The following DPYSL5 variants were observed in gnomAD, a reference collection of about 807,000 sequenced individuals.
DPYSL5 encodes the protein dihydropyrimidinase-related protein 5.
A neutral mutation model predicts 58.4 loss-of-function variants in DPYSL5; 9 were observed. That is an observed-to-expected ratio of 0.15 (90% CI 0.09 to 0.27). The LOEUF is 0.27. Among genes scored for constraint, DPYSL5 ranks in the 10% least tolerant of loss-of-function variants. The pLI, the probability that DPYSL5 is intolerant of heterozygous loss-of-function variation, is 1.00. For missense variants in DPYSL5, 499 were observed against 770.6 expected, an observed-to-expected ratio of 0.65 and a Z score of 4.17; for synonymous variants, 293 against 301.9, an observed-to-expected ratio of 0.97 and a Z score of 0.31.
chr2:26,910,520 A>G (rs938595727), intron 2 of DPYSL5, among the ~76,000 whole-genome samples: 1 of 151,888 alleles, frequency 6.6e-6, no homozygotes. Context: ...TTTTCAGTGA[A>G]GTGTCTGCTC....
chr2:26,923,622 C>A (rs956683013), intron 2 of DPYSL5, among the ~76,000 whole-genome samples: 4 of 152,194 alleles, frequency 2.6e-5, no homozygotes, highest in African/African-American at 9.7e-5. Context: ...AGAGCCCTCA[C>A]AAAGACTCTC....
chr2:26,931,373 A>G (rs1664984215), intron 5 of DPYSL5, among the ~76,000 whole-genome samples: 1 of 151,394 alleles, frequency 6.6e-6, no homozygotes, highest in Non-Finnish European at 1.5e-5. Flanking sequence ...ACAAGGAGAG[A>G]CATGACCTTG....
At chr2:26,943,283 G>A (rs756818834) in intron 11 of DPYSL5, among the ~76,000 whole-genome samples, 3 of 152,190 alleles carry the variant, frequency 2.0e-5, no homozygotes, top group Admixed American at 6.5e-5. Context: ...CTCTCCCAGA[G>A]GCCAATGAGT....
At chr2:26,932,048 G>GGAAAGAAAGAAAGA (rs1665007772) in intron 6 of DPYSL5, among the ~76,000 whole-genome samples, 1 of 47,620 alleles carries the variant, frequency 2.1e-5, no homozygotes, top group African/African-American at 1.0e-4. Flanking sequence ...AAGAAAGAAA[G>GGAAAGAAAGAAAGA]GAAAGAAAGA....
intron 1 of DPYSL5, among the ~76,000 whole-genome samples, chr2:26,876,602 A>G (rs769028448): frequency 3.3e-5 from 5 of 152,086 alleles, no homozygotes; most frequent in Non-Finnish European, 5.9e-5. Context: ...TGCAGCCTCC[A>G]TCTCCCAGGT....
chr2:26,875,891 A>G (rs990384250), intron 1 of DPYSL5, among the ~76,000 whole-genome samples: 10 of 152,206 alleles, frequency 6.6e-5, no homozygotes, highest in African/African-American at 1.7e-4. Flanking sequence ...TTCCAGATGA[A>G]TTAGACGGGC....
chr2:26,916,557 T>C (rs774511534), intron 2 of DPYSL5, among the ~76,000 whole-genome samples: 4 of 152,202 alleles, frequency 2.6e-5, no homozygotes, highest in Non-Finnish European at 5.9e-5. Flanking sequence ...GTCCCCACAG[T>C]TTGGTCCTAA....
intron 1 of DPYSL5, among the ~76,000 whole-genome samples, chr2:26,856,278 T>C (rs897898909): frequency 2.0e-5 from 3 of 152,166 alleles, no homozygotes; most frequent in African/African-American, 7.2e-5. Flanking sequence ...AGAAACAGAA[T>C]TATCAGTACT....
In DPYSL5 at chr2:26,905,026, G is replaced by A. The variant is rs2148142159; in HGVS notation, c.261+6266G>A. ...TGTTCAAGGCCTCCTGAGACCTCGG[G>A]ACTGAACAATCACCCCTTTCAGCCT... On this transcript the variant is annotated intron_variant, in intron 2 of 12. Transcript: ENST00000288699. The surrounding 1 kb of genome is among the most constrained non-coding windows in gnomAD (Gnocchi z 4.0). 6.6e-6 allele frequency among the ~76,000 whole-genome samples: 1 copy of A among 152,324 alleles called. No homozygotes were observed. The highest frequency in any genetic ancestry group is 1.9e-4 in the East Asian group (1 of 5,180).
rs1316557119 is a variant in DPYSL5, at chr2:26,931,193, G to A, written c.670-447G>A. ...TATGTGTGTGTGTGTGTGTGTGTGT[G>A]TGTGTGTGTGTATATATATATATAT... On this transcript the variant is annotated intron_variant, in intron 5 of 12. Coordinates refer to ENST00000288699, the MANE Select transcript of DPYSL5 (RefSeq NM_020134.4). 4.5e-4 allele frequency among the ~76,000 whole-genome samples: 25 copies of A among 55,744 alleles called. No homozygotes were observed. The South Asian group carries it at 0.017, about 38-fold the overall frequency. The allele number at this position is 55,744 out of a possible 152,430, so 36.6% of individuals were successfully genotyped here.
Position 26,928,704 on chromosome 2 carries a change from T to TATATATATATATACACACAC in DPYSL5, c.669+382_669+383insTATATATATATACACACACA. On this transcript the variant is annotated intron_variant, in intron 5 of 12. Coordinates refer to ENST00000288699, the MANE Select transcript of DPYSL5 (RefSeq NM_020134.4). ...GTGATAGAGTATATATATATATATATACACACACACACATACATATATATA... is the reference window on the plus strand; with the variant it reads ...GTGATAGAGTATATATATATATATATATATATATATATACACACACACACACACACACATACATATATATA... Among the ~76,000 whole-genome samples, 67 of 62,956 alleles carry TATATATATATATACACACAC rather than the reference T, an allele frequency of 1.1e-3. 1 individual carries two copies. The highest frequency in any genetic ancestry group is 1.6e-3 in the African/African-American group (25 of 15,874). 41.3% of individuals were successfully genotyped at this position (62,956 alleles called of 152,430 possible). A position where few individuals can be genotyped will look rare whatever the true frequency, so the allele number is the denominator to read the frequency against.
chr2:26,889,212 T>C (rs935900516), intron 1 of DPYSL5, among the ~76,000 whole-genome samples: 6 of 152,106 alleles, frequency 3.9e-5, no homozygotes, highest in African/African-American at 9.7e-5. Context: ...TGGAATAAAC[T>C]AGGTGACTTG....
chr2:26,886,107 C>A (rs1449365139), intron 1 of DPYSL5, among the ~76,000 whole-genome samples: 1 of 152,190 alleles, frequency 6.6e-6, no homozygotes, highest in Non-Finnish European at 1.5e-5. Flanking sequence ...GCTAGACTTT[C>A]AGTTTCCTGT....
chr2:26,864,839 C>T (rs531763373), intron 1 of DPYSL5, among the ~76,000 whole-genome samples: 93 of 152,208 alleles, frequency 6.1e-4, no homozygotes, highest in Non-Finnish European at 1.0e-3. Flanking sequence ...TAAGCACATC[C>T]GTACTCCCCT....
chr2:26,907,004 C>T (rs952359266), intron 2 of DPYSL5, among the ~76,000 whole-genome samples: 10 of 152,018 alleles, frequency 6.6e-5, no homozygotes, highest in African/African-American at 9.7e-5. Flanking sequence ...TGGCTTCAAG[C>T]GATCCTCCTG....
At position 26,949,205 on chromosome 2, in the gene DPYSL5, ATC is replaced by A. The variant is rs1665569286; in HGVS notation, c.*2212_*2213del. 2 of 152,194 alleles carry A rather than the reference ATC, an allele frequency of 1.3e-5. No homozygotes were observed. The highest frequency in any genetic ancestry group is 1.3e-4 in the Admixed American group (2 of 15,284). The allele number at this position is 152,194 out of a possible 1,614,324, so 9.4% of individuals were successfully genotyped here. On this transcript the variant is annotated 3_prime_UTR_variant, in exon 13 of 13. Coordinates refer to ENST00000288699, the MANE Select transcript of DPYSL5 (RefSeq NM_020134.4). ...CACAGGAAGATAGATTTTTTTTCTC[ATC>A]TTTCTTATAAACAACCTCATGCACA...
chr2:26,921,862 G>T (rs929763559), intron 2 of DPYSL5, among the ~76,000 whole-genome samples: 2 of 152,108 alleles, frequency 1.3e-5, no homozygotes, highest in Non-Finnish European at 2.9e-5. Context: ...GAGAAGTAAG[G>T]TGCAGGTCAG....
At chr2:26,867,971 C>T (rs1182522495) in intron 1 of DPYSL5, among the ~76,000 whole-genome samples, 1 of 152,200 alleles carries the variant, frequency 6.6e-6, no homozygotes. Flanking sequence ...CTCCTCACCA[C>T]CACTCCCAAT....
chr2:26,877,631 T>C lies in DPYSL5; in HGVS notation c.-4-20865T>C, dbSNP rs1275329651. ...AAATAAGACACTGTCACACAATATC[T>C]TTTAACTCATCTGTATTTGTATAAC... On this transcript the variant is annotated intron_variant, in intron 1 of 12. Transcript: ENST00000288699. The surrounding 1 kb of genome is among the most constrained non-coding windows in gnomAD (Gnocchi z 4.1). Among the ~76,000 whole-genome samples the C allele has an allele frequency of 6.6e-6, 1 of 152,254 alleles. No individual in the cohort carries two copies. The highest frequency in any genetic ancestry group is 1.5e-5 in the Non-Finnish European group (1 of 68,044).
Sources: allele counts gnomAD v4.1 joint callset (sites outside exome capture counted in the v4.1 genomes callset), GRCh38; gene constraint gnomAD v4.1.1; non-coding constraint Gnocchi (gnomAD v3.1); transcripts MANE v1.5; gene names NCBI Gene and HGNC (gene_info 2026-07-23, HGNC 2026-07-21).